The following NKAIN3 variants were observed in gnomAD, a reference collection of about 807,000 sequenced individuals.
The protein encoded by NKAIN3 is sodium/potassium-transporting ATPase subunit beta-1-interacting protein 3.
In NKAIN3, 25 loss-of-function variants were observed where a neutral mutation model predicts 30.2. The observed-to-expected ratio is 0.83, with a 90% confidence interval of 0.60 to 1.16. NKAIN3 has a LOEUF of 1.16. NKAIN3 is among the 50% of genes most tolerant of loss of function. The probability of loss-of-function intolerance (pLI) is 0.00; values close to 1 mark genes in which losing one functional copy is unlikely to be tolerated. For synonymous variants in NKAIN3, 91 were observed against 89.6 expected (o/e 1.02, Z -0.09); for missense variants, 225 against 254.1 (o/e 0.89, Z 0.78).
intron 1 of NKAIN3, among the ~76,000 whole-genome samples, chr8:62,501,265 A>T (rs983356263): frequency 6.6e-5 from 10 of 152,152 alleles, no homozygotes; most frequent in Non-Finnish European, 1.3e-4. Context: ...ATGAGTAGCT[A>T]CTGGGGGCCC....
At chr8:62,915,153 A>G (rs1381486136) in intron 4 of NKAIN3, among the ~76,000 whole-genome samples, 1 of 152,196 alleles carries the variant, frequency 6.6e-6, no homozygotes, top group Non-Finnish European at 1.5e-5. Context: ...TCTAAATATG[A>G]GTTCACAGAT....
chr8:62,393,830 T>G (rs1311298546), intron 1 of NKAIN3, among the ~76,000 whole-genome samples: 1 of 152,172 alleles, frequency 6.6e-6, no homozygotes, highest in Non-Finnish European at 1.5e-5. Context: ...AATTTATTTG[T>G]AAGAGTTTTT....
At chr8:62,557,936 T>A (rs1287507793) in intron 1 of NKAIN3, among the ~76,000 whole-genome samples, 1 of 152,106 alleles carries the variant, frequency 6.6e-6, no homozygotes, top group African/African-American at 2.4e-5. Context: ...TTTTTCTTTG[T>A]TTTTATTGCA....
intron 4 of NKAIN3, among the ~76,000 whole-genome samples, chr8:62,801,477 G>C (rs1227611079): frequency 6.6e-6 from 1 of 152,194 alleles, no homozygotes; most frequent in Non-Finnish European, 1.5e-5. Flanking sequence ...CCGCTGTTCT[G>C]CAGCCACCGC....
At chr8:62,937,695 G>A (rs58437381) in intron 5 of NKAIN3, among the ~76,000 whole-genome samples, 1 of 152,040 alleles carries the variant, frequency 6.6e-6, no homozygotes, top group South Asian at 2.1e-4. Flanking sequence ...AATCTGTAGT[G>A]GGGGGGCAAA....
intron 3 of NKAIN3, among the ~76,000 whole-genome samples, chr8:62,732,821 A>G (rs775503632): frequency 2.6e-5 from 4 of 151,904 alleles, no homozygotes; most frequent in Non-Finnish European, 5.9e-5. Flanking sequence ...TTTATTATGT[A>G]TTTTTCTATA....
intron 3 of NKAIN3, among the ~76,000 whole-genome samples, chr8:62,708,560 T>A (rs115574343): frequency 0.027 from 4,042 of 152,282 alleles, 191 homozygotes; most frequent in African/African-American, 0.093. Context: ...CTGATTTGTG[T>A]ACATGAATCT....
rs533852106 is a variant in NKAIN3, at chr8:62,696,985, C to A, written c.274-49947C>A. Among the ~76,000 whole-genome samples, 16 of 152,218 alleles carry A rather than the reference C, an allele frequency of 1.1e-4. No individual in the cohort carries two copies. The East Asian group carries it at 2.9e-3, about 28-fold the overall frequency. ...AGACTCAAAAATACATATATAAATGCAAAATGACACTGTTAAATTGCTTCC... is the reference window on the plus strand; with the variant it reads ...AGACTCAAAAATACATATATAAATGAAAAATGACACTGTTAAATTGCTTCC... On this transcript the variant is annotated intron_variant, in intron 3 of 6. Transcript: ENST00000623646.
chr8:62,718,829 AAT>A (rs1221152286), intron 3 of NKAIN3, among the ~76,000 whole-genome samples: 1 of 152,062 alleles, frequency 6.6e-6, no homozygotes, highest in Admixed American at 6.6e-5. Flanking sequence ...TTAACTCTTT[AAT>A]ATATGTGGAA....
intron 1 of NKAIN3, among the ~76,000 whole-genome samples, chr8:62,415,302 A>T (rs548939882): frequency 2.1e-3 from 307 of 145,482 alleles, no homozygotes; most frequent in African/African-American, 7.2e-3. Flanking sequence ...ATATTTATAT[A>T]TATCTACTTA....
At chr8:62,679,485 C>T (rs2130412683) in intron 3 of NKAIN3, among the ~76,000 whole-genome samples, 1 of 152,238 alleles carries the variant, frequency 6.6e-6, no homozygotes, top group South Asian at 2.1e-4. Flanking sequence ...TTAGTCCATT[C>T]TCGAACTGCT....
intron 1 of NKAIN3, among the ~76,000 whole-genome samples, chr8:62,522,604 G>A (rs1424280293): frequency 6.6e-6 from 1 of 152,086 alleles, no homozygotes; most frequent in Non-Finnish European, 1.5e-5. Flanking sequence ...AGGATGTGGA[G>A]ATGGAAGACA....
At chr8:62,599,323 G>A (rs545138354) in intron 3 of NKAIN3, among the ~76,000 whole-genome samples, 1 of 152,118 alleles carries the variant, frequency 6.6e-6, no homozygotes, top group South Asian at 2.1e-4. Flanking sequence ...ATGTATGGTG[G>A]GGTGGGGAAT....
At chr8:62,488,394 T>G (rs1401537405) in intron 1 of NKAIN3, among the ~76,000 whole-genome samples, 1 of 152,194 alleles carries the variant, frequency 6.6e-6, no homozygotes, top group East Asian at 1.9e-4. Context: ...CTGTGCCTCT[T>G]TATTATTACA....
chr8:62,728,328 T>TA (rs913131989), intron 3 of NKAIN3, among the ~76,000 whole-genome samples: 6 of 151,674 alleles, frequency 4.0e-5, no homozygotes, highest in East Asian at 3.9e-4. Flanking sequence ...ATAATAATCA[T>TA]AAAAAAAAGA....
At chr8:62,734,391 T>A (rs1055786156) in intron 3 of NKAIN3, among the ~76,000 whole-genome samples, 3 of 152,194 alleles carry the variant, frequency 2.0e-5, no homozygotes, top group Non-Finnish European at 4.4e-5. Context: ...TTCATATAAT[T>A]TTTTTTCCTT....
At chr8:62,588,549 G>T (rs571380583) in intron 2 of NKAIN3, among the ~76,000 whole-genome samples, 88 of 151,714 alleles carry the variant, frequency 5.8e-4, no homozygotes, top group African/African-American at 2.0e-3. Context: ...AATATAAATT[G>T]AATTTCATAA....
At chr8:62,713,034 T>G (rs1307462203) in intron 3 of NKAIN3, among the ~76,000 whole-genome samples, 1 of 152,210 alleles carries the variant, frequency 6.6e-6, no homozygotes, top group African/African-American at 2.4e-5. Context: ...AGAGGAGAGT[T>G]TCCCTTTCCT....
chr8:62,788,925 G>C (rs1318260679), intron 4 of NKAIN3, among the ~76,000 whole-genome samples: 1 of 152,146 alleles, frequency 6.6e-6, no homozygotes, highest in African/African-American at 2.4e-5. Flanking sequence ...GTTCTGTTTT[G>C]GTTACTGTAG....
Sources: allele counts gnomAD v4.1 joint callset (sites outside exome capture counted in the v4.1 genomes callset), GRCh38; gene constraint gnomAD v4.1.1; transcripts MANE v1.5; gene names NCBI Gene and HGNC (gene_info 2026-07-23, HGNC 2026-07-21).